The following CELSR1 variants were observed in gnomAD, a reference collection of about 807,000 sequenced individuals.
The protein encoded by CELSR1 is adhesion G protein-coupled receptor C1.
In CELSR1, 110 loss-of-function variants were observed where a neutral mutation model predicts 249.1. That is an observed-to-expected ratio of 0.44 (90% CI 0.38 to 0.52). The LOEUF is 0.52. Among genes scored for constraint, CELSR1 ranks in the 20% least tolerant of loss-of-function variants. CELSR1 has a pLI of 0.00. For missense variants in CELSR1, 4,109 were observed against 4,296.4 expected (o/e 0.96, Z 1.22); for synonymous variants, 2,113 against 1,900.0 (o/e 1.11, Z -2.92).
In CELSR1 at chr22:46,413,426, T is replaced by C. The variant is rs1170363201; in HGVS notation, c.4612-1667A>G. ...CCCAGCTGAGGCTTCTCCTCCCTCTTATCCAATCATCTAACGTGAGTGAGA... is the reference window on the plus strand; with the variant it reads ...CCCAGCTGAGGCTTCTCCTCCCTCTCATCCAATCATCTAACGTGAGTGAGA... On this transcript the variant is annotated intron_variant, in intron 5 of 34. Coordinates refer to ENST00000674500, the MANE Select transcript of CELSR1 (RefSeq NM_001378328.1). This position sits in a 1 kb window ranked among gnomAD's most constrained non-coding sequence, Gnocchi z 4.7. 3.9e-5 allele frequency among the ~76,000 whole-genome samples: 6 copies of C among 152,208 alleles called. No individual in the cohort carries two copies. Among genetic ancestry groups the C allele is most frequent in the South Asian group, 2.1e-4 (1 of 4,820 alleles).
chr22:46,364,296 CG>C, intron 33 of CELSR1, 45 bp from the exon 34 acceptor site: 1 of 1,591,878 alleles, frequency 6.3e-7, no homozygotes, highest in Non-Finnish European at 8.5e-7. Flanking sequence ...GTGATGCTGC[CG>C]GGGGCAGCTG....
intron 14 of CELSR1, among the ~76,000 whole-genome samples, chr22:46,392,811 G>A (rs544128561): frequency 1.2e-4 from 18 of 152,156 alleles, no homozygotes; most frequent in East Asian, 3.9e-4. Context: ...CTCCTGCCTC[G>A]GCCTCCAGAG....
Position 46,394,130 on chromosome 22 carries a change from G to A in CELSR1, c.5964+12C>T, listed in dbSNP as rs769829109. ...AACACAGCATGCAGGGATCATGGGG[G>A]CGGGGCCTCACCTTGCATTGGCACT... On this transcript the variant is annotated intron_variant, in intron 14 of 34. Transcript: ENST00000674500. The A allele has an allele frequency of 6.2e-7, 1 of 1,612,612 alleles. No individual in the cohort carries two copies. The highest frequency in any genetic ancestry group is 8.5e-7 in the Non-Finnish European group (1 of 1,179,084).
At position 46,536,572 on chromosome 22, in the gene CELSR1, A is replaced by G; in HGVS notation, c.599T>C (p.Leu200Pro). The G allele has an allele frequency of 7.7e-7, 1 of 1,291,160 alleles. No homozygotes were observed. The highest frequency in any genetic ancestry group is 2.3e-5 in the South Asian group (1 of 43,212). The allele number at this position is 1,291,160 out of a possible 1,614,324, so 80.0% of individuals were successfully genotyped here. A position where few individuals can be genotyped will look rare whatever the true frequency, so the allele number is the denominator to read the frequency against. ...GGGCGTCCCCGCGGTGGCGGCCTCC[A>G]GCGCCAGTCCCACCCGGACGGCGCC... ...AAGAVRVGLALEAATAGTPSA... is the reference protein window; with the variant it reads ...AAGAVRVGLAPEAATAGTPSA... Residue 200 changes from leucine to proline, a missense_variant, in exon 1 of 35, where the codon CTG (leucine) becomes CCG (proline). Around this residue, in one of 7 missense-constraint regions of CELSR1, gnomAD observed 673 missense variants for 636.8 expected, o/e 1.06. Transcript: ENST00000674500.
intron 2 of CELSR1, among the ~76,000 whole-genome samples, chr22:46,460,642 ACT>A (rs1272626890): frequency 1.3e-5 from 2 of 152,194 alleles, no homozygotes; most frequent in South Asian, 2.1e-4. Context: ...GTTGTTTAGG[ACT>A]CTCTGCAGAG....
chr22:46,451,546 T>C (rs2079884819), intron 2 of CELSR1, among the ~76,000 whole-genome samples: 1 of 152,222 alleles, frequency 6.6e-6, no homozygotes, highest in Admixed American at 6.5e-5. Context: ...GACCGTCTTC[T>C]GGTGCTTGCA....
intron 27 of CELSR1, among the ~76,000 whole-genome samples, chr22:46,368,495 G>C (rs2078813039): frequency 6.6e-6 from 1 of 150,828 alleles, no homozygotes; most frequent in African/African-American, 2.4e-5. Context: ...TCTCCTCCCG[G>C]GCCGGGAGCC....
rs376117875 is a variant in CELSR1, at chr22:46,395,117, G to C, written c.5844-855C>G. 7.5e-4 allele frequency among the ~76,000 whole-genome samples: 114 copies of C among 152,338 alleles called. 1 individual carries two copies. In the South Asian group the frequency reaches 0.022, roughly 29 times the overall value. On this transcript the variant is annotated intron_variant, in intron 13 of 34. Coordinates refer to ENST00000674500, the MANE Select transcript of CELSR1 (RefSeq NM_001378328.1). This position sits in a 1 kb window ranked among gnomAD's most constrained non-coding sequence, Gnocchi z 5.5. ...AGTATTAAGGACTGTGTACAAATCAGGGTCATAAAGACAACCAGGCCAGAG... is the reference window on the plus strand; with the variant it reads ...AGTATTAAGGACTGTGTACAAATCACGGTCATAAAGACAACCAGGCCAGAG...
At chr22:46,405,572 G>C (rs988486639) in intron 9 of CELSR1, among the ~76,000 whole-genome samples, 3 of 152,020 alleles carry the variant, frequency 2.0e-5, no homozygotes, top group African/African-American at 7.2e-5. Context: ...ACAAACAAAA[G>C]TGATATCCAC....
chr22:46,460,211 A>ACACACACACACACCCCCC (rs773925316), intron 2 of CELSR1, among the ~76,000 whole-genome samples: 1 of 148,870 alleles, frequency 6.7e-6, no homozygotes, highest in South Asian at 2.1e-4. Flanking sequence ...ACACACACAC[A>ACACACACACACACCCCCC]CACACCCATT....
intron 18 of CELSR1, 122 bp from the exon 19 acceptor site, chr22:46,386,707 CT>C: frequency 1.4e-6 from 1 of 735,098 alleles, no homozygotes; most frequent in Non-Finnish European, 2.1e-6. Context: ...CAGCCCTACA[CT>C]TTAGACTGTG....
Position 46,399,622 on chromosome 22 carries a change from T to C in CELSR1, c.5412+95A>G. 7.8e-7 allele frequency: 1 copy of C among 1,290,314 alleles called. No individual in the cohort carries two copies. Among genetic ancestry groups the C allele is most frequent in the South Asian group, 1.3e-5 (1 of 75,312 alleles). 79.9% of individuals were successfully genotyped at this position (1,290,314 alleles called of 1,614,324 possible). On this transcript the variant is annotated intron_variant, in intron 10 of 34. Transcript: ENST00000674500. The surrounding 1 kb of genome is among the most constrained non-coding windows in gnomAD (Gnocchi z 5.0). ...AAAGTGCCTCCCCAAATCCACAAGG[T>C]CTCTGGTGGGTCCTGGCACGTCAAG...
At chr22:46,443,805 C>T (rs907342733) in intron 2 of CELSR1, among the ~76,000 whole-genome samples, 5 of 152,242 alleles carry the variant, frequency 3.3e-5, no homozygotes, top group Admixed American at 2.6e-4. Flanking sequence ...TTGTAAATCC[C>T]GTGCGTTCAC....
At chr22:46,422,592 AAAATAAAT>A (rs547687556) in intron 5 of CELSR1, among the ~76,000 whole-genome samples, 1 of 148,962 alleles carries the variant, frequency 6.7e-6, no homozygotes, top group African/African-American at 2.5e-5. Context: ...ATAATAATAA[AAAATAAAT>A]AAATAAATAA....
chr22:46,394,083 C>A (rs962052175), intron 14 of CELSR1, 59 bp downstream of exon 14: 8 of 1,578,830 alleles, frequency 5.1e-6, no homozygotes, highest in Non-Finnish European at 6.9e-6. Flanking sequence ...TATTTAGGGG[C>A]AGCTGTGCAT....
rs375012600 is a variant in CELSR1 at position 46,411,555 on chromosome 22, T to A, written c.4769+47A>T. On this transcript the variant is annotated intron_variant, in intron 6 of 34. Coordinates refer to ENST00000674500, the MANE Select transcript of CELSR1 (RefSeq NM_001378328.1). This position sits in a 1 kb window ranked among gnomAD's most constrained non-coding sequence, Gnocchi z 4.2. ...CCCTGGGAAGGCCGCAGGGTGAGCATGTTTGGGGGTACGGACCCCCAGGGC... is the reference window on the plus strand; with the variant it reads ...CCCTGGGAAGGCCGCAGGGTGAGCAAGTTTGGGGGTACGGACCCCCAGGGC... 22 of 1,609,070 alleles carry A rather than the reference T, an allele frequency of 1.4e-5. No homozygotes were observed. Among genetic ancestry groups the A allele is most frequent in the African/African-American group, 2.7e-5 (2 of 74,856 alleles).
At chr22:46,475,260 T>G (rs1341103085) in intron 1 of CELSR1, among the ~76,000 whole-genome samples, 1 of 151,944 alleles carries the variant, frequency 6.6e-6, no homozygotes, top group Non-Finnish European at 1.5e-5. Context: ...AAAACCCAAC[T>G]TCAGGTAGCA....
In CELSR1 at chr22:46,408,815, G is replaced by A. The variant is rs992594561; in HGVS notation, c.5226+181C>T. ...AGCCCCATGCTCCCTCGCTGTCTCCGCCTCCCAGAGGAAAGAAAGGGCTGA... is the reference window on the plus strand; with the variant it reads ...AGCCCCATGCTCCCTCGCTGTCTCCACCTCCCAGAGGAAAGAAAGGGCTGA... On this transcript the variant is annotated intron_variant, in intron 9 of 34. Coordinates refer to ENST00000674500, the MANE Select transcript of CELSR1 (RefSeq NM_001378328.1). The surrounding 1 kb of genome is among the most constrained non-coding windows in gnomAD (Gnocchi z 4.6). 7.2e-5 allele frequency among the ~76,000 whole-genome samples: 11 copies of A among 152,332 alleles called. No homozygotes were observed. Among genetic ancestry groups the A allele is most frequent in the East Asian group, 3.9e-4 (2 of 5,178 alleles).
In CELSR1 at chr22:46,366,383, G is replaced by A; in HGVS notation, c.8300+3C>T. The A allele has an allele frequency of 6.5e-6, 10 of 1,547,392 alleles. No individual in the cohort carries two copies. Among genetic ancestry groups the A allele is most frequent in the Non-Finnish European group, 8.7e-6 (10 of 1,145,034 alleles). ...CTCCCCGAACCCGGAGCTGCGGCCT[G>A]ACCTGACGATGCTGTCCAGCGAGGC... On this transcript the variant is annotated splice_donor_region_variant and intron_variant, in intron 30 of 34. Coordinates refer to ENST00000674500, the MANE Select transcript of CELSR1 (RefSeq NM_001378328.1).
Sources: allele counts gnomAD v4.1 joint callset (sites outside exome capture counted in the v4.1 genomes callset), GRCh38; gene constraint gnomAD v4.1.1; regional missense constraint gnomAD v4.1.1; non-coding constraint Gnocchi (gnomAD v3.1); transcripts MANE v1.5; gene names NCBI Gene and HGNC (gene_info 2026-07-23, HGNC 2026-07-21).